The following TBC1D19 variants were observed in gnomAD, a reference collection of about 807,000 sequenced individuals.
TBC1D19 encodes TBC1 domain family member 19.
A neutral mutation model predicts 89.0 loss-of-function variants in TBC1D19; 60 were observed. The ratio of observed to expected loss-of-function variants is 0.67; its 90% CI spans 0.55 to 0.84. TBC1D19 has a LOEUF of 0.84. Ranked by LOEUF, TBC1D19 falls within the 40% of genes least tolerant of loss-of-function variation. The pLI is 0.00. For missense variants in TBC1D19, 500 were observed against 610.8 expected (o/e 0.82, Z 1.91); for synonymous variants, 189 against 199.7 (o/e 0.95, Z 0.45).
chr4:26,694,901 A>G (rs1714626031), intron 13 of TBC1D19, among the ~76,000 whole-genome samples: 1 of 152,216 alleles, frequency 6.6e-6, no homozygotes, highest in South Asian at 2.1e-4. Flanking sequence ...ATACGTCACC[A>G]TCATCAAAGA....
chr4:26,683,134 AC>A (rs1713507517), intron 11 of TBC1D19, among the ~76,000 whole-genome samples: 1 of 152,104 alleles, frequency 6.6e-6, no homozygotes, highest in Non-Finnish European at 1.5e-5. Flanking sequence ...TTATGCTTAA[AC>A]TTTTTATTTT....
chr4:26,613,061 A>T, intron 1 of TBC1D19, 108 bp from the exon 2 acceptor site: 1 of 785,290 alleles, frequency 1.3e-6, no homozygotes, highest in South Asian at 1.8e-5. Context: ...ACATTTTTGA[A>T]CACTCCTTTT....
At chr4:26,809,557 TC>T in the TBC1D19 span, among the ~76,000 whole-genome samples, 23 of 152,036 alleles carry the variant, frequency 1.5e-4, no homozygotes, top group Non-Finnish European at 2.5e-4. Flanking sequence ...TGGGAGGTGA[TC>T]CCAAGAAGGA....
chr4:26,827,781 G>T, the TBC1D19 span, among the ~76,000 whole-genome samples: 48 of 150,756 alleles, frequency 3.2e-4, 1 homozygote, highest in Non-Finnish European at 4.4e-5. Context: ...CTATTTACAG[G>T]TGCAATAATG....
chr4:26,698,986 T>C (rs948039813), intron 13 of TBC1D19, among the ~76,000 whole-genome samples: 4 of 152,154 alleles, frequency 2.6e-5, no homozygotes, highest in Non-Finnish European at 5.9e-5. Context: ...CCAAAAGCAA[T>C]GGCAACAAAA....
intron 19 of TBC1D19, among the ~76,000 whole-genome samples, chr4:26,751,667 A>T (rs139400497): frequency 6.6e-6 from 1 of 152,094 alleles, no homozygotes; most frequent in Non-Finnish European, 1.5e-5. Context: ...TTTCTCCAGA[A>T]TTTTTCTCTC....
chr4:26,644,258 G>C (rs1368430033), intron 7 of TBC1D19, among the ~76,000 whole-genome samples: 4 of 151,924 alleles, frequency 2.6e-5, no homozygotes, highest in Admixed American at 2.0e-4. Flanking sequence ...GGGATGCAAG[G>C]CTGGTTCAAT....
chr4:26,646,908 C>T (rs182406133), intron 7 of TBC1D19, among the ~76,000 whole-genome samples: 1 of 151,992 alleles, frequency 6.6e-6, no homozygotes, highest in Admixed American at 6.6e-5. Context: ...GCACATGTAC[C>T]CTAGAACTTA....
the TBC1D19 span, among the ~76,000 whole-genome samples, chr4:26,833,050 G>A: frequency 6.6e-6 from 1 of 152,170 alleles, no homozygotes; most frequent in Admixed American, 6.6e-5. Flanking sequence ...AAATCAGTGA[G>A]TGCTGAGTCA....
chr4:26,759,622 A>G (rs569876093), downstream of TBC1D19, among the ~76,000 whole-genome samples: 173 of 152,032 alleles, frequency 1.1e-3, no homozygotes, highest in Admixed American at 2.9e-3. Flanking sequence ...TCCCCATCCA[A>G]TCCCCCATAC....
the TBC1D19 span, among the ~76,000 whole-genome samples, chr4:26,828,260 C>T: frequency 6.6e-6 from 1 of 152,212 alleles, no homozygotes; most frequent in Non-Finnish European, 1.5e-5. Flanking sequence ...ATTTCAGCCT[C>T]TTAGGCTCCA....
the TBC1D19 span, among the ~76,000 whole-genome samples, chr4:26,844,295 C>T: frequency 6.6e-6 from 1 of 152,172 alleles, no homozygotes; most frequent in African/African-American, 2.4e-5. Flanking sequence ...CCTAGGTGAC[C>T]TGTTATGTAC....
At chr4:26,776,895 A>G in the TBC1D19 span, among the ~76,000 whole-genome samples, 6 of 152,270 alleles carry the variant, frequency 3.9e-5, no homozygotes, top group East Asian at 1.2e-3. Context: ...TAAGCCAAGT[A>G]ATAACTAATA....
chr4:26,695,005 T>C (rs1714637768), intron 13 of TBC1D19, among the ~76,000 whole-genome samples: 1 of 152,174 alleles, frequency 6.6e-6, no homozygotes, highest in Non-Finnish European at 1.5e-5. Context: ...TCTAAAGGAA[T>C]GCAGCTCCTC....
At chr4:26,618,242 T>C (rs1340006956) in intron 3 of TBC1D19, among the ~76,000 whole-genome samples, 1 of 152,092 alleles carries the variant, frequency 6.6e-6, no homozygotes, top group Non-Finnish European at 1.5e-5. Context: ...GTAAAATAAG[T>C]GCAATGATTA....
chr4:26,850,422 C>A, the TBC1D19 span, among the ~76,000 whole-genome samples: 2 of 151,322 alleles, frequency 1.3e-5, no homozygotes, highest in African/African-American at 4.9e-5. Context: ...GTGGCACACG[C>A]CTGTAGTCCC....
At chr4:26,656,741 T>G (rs1482989409) in intron 7 of TBC1D19, among the ~76,000 whole-genome samples, 1 of 152,040 alleles carries the variant, frequency 6.6e-6, no homozygotes. Context: ...TGTATTTTAG[T>G]AGCAATGGAG....
intron 1 of TBC1D19, among the ~76,000 whole-genome samples, chr4:26,578,260 C>G (rs1038115387): frequency 6.6e-6 from 1 of 152,208 alleles, no homozygotes; most frequent in Non-Finnish European, 1.5e-5. Context: ...ATTACTGGGC[C>G]TCTGACATTT....
the TBC1D19 span, among the ~76,000 whole-genome samples, chr4:26,773,720 G>A: frequency 1.3e-5 from 2 of 152,100 alleles, no homozygotes; most frequent in Non-Finnish European, 2.9e-5. Flanking sequence ...ATTAAATAGG[G>A]AATCTTTTCC....
Sources: gnomAD v4.1 joint callset for allele counts (sites outside exome capture counted in the v4.1 genomes callset) on GRCh38, gnomAD v4.1.1 for gene constraint, MANE v1.5 for transcripts, NCBI Gene and HGNC (gene_info 2026-07-23, HGNC 2026-07-21) for gene names.